DIPK1B: variants seen among roughly 807,000 people sequenced by gnomAD.
DIPK1B encodes the protein family with sequence similarity 69 member B.
DIPK1B carries 17 observed loss-of-function variants against 20.7 expected under a neutral mutation model. The ratio of observed to expected loss-of-function variants is 0.82; its 90% CI spans 0.56 to 1.23. The LOEUF (loss-of-function observed/expected upper bound fraction) is 1.23, where lower values mean the gene tolerates loss of function less well. Among genes scored for constraint, DIPK1B ranks in the 50% most tolerant of loss-of-function variants. The probability of loss-of-function intolerance (pLI) is 0.00; values close to 1 mark genes in which losing one functional copy is unlikely to be tolerated. For synonymous variants in DIPK1B, 343 were observed against 276.5 expected (o/e 1.24, Z -2.39); for missense variants, 648 against 601.8 (o/e 1.08, Z -0.80).
chr9:136,719,985 G>A (rs1000148518), intron 2 of DIPK1B, among the ~76,000 whole-genome samples: 2 of 149,572 alleles, frequency 1.3e-5, no homozygotes, highest in South Asian at 2.1e-4. Context: ...GCAGGGGCTG[G>A]TCTGGGGCTC....
At chr9:136,718,455 G>A (rs1297017074) in intron 2 of DIPK1B, among the ~76,000 whole-genome samples, 7 of 152,266 alleles carry the variant, frequency 4.6e-5, no homozygotes, top group South Asian at 2.1e-4. Flanking sequence ...GTCCACATGA[G>A]TGCACACCAA....
chr9:136,722,074 G>A (rs776050889), intron 3 of DIPK1B, 46 bp downstream of exon 3: 44 of 1,613,280 alleles, frequency 2.7e-5, no homozygotes, highest in East Asian at 8.9e-5. Flanking sequence ...GATACTGCCC[G>A]TGCAGTGGGA....
intron 2 of DIPK1B, 74 bp from the exon 3 acceptor site, chr9:136,721,847 G>C: frequency 2.9e-6 from 4 of 1,378,104 alleles, no homozygotes; most frequent in Non-Finnish European, 4.1e-6. Context: ...TGCCAGCTTC[G>C]GGCCTGTGGG....
At position 136,723,729 on chromosome 9, in the gene DIPK1B, C is replaced by G; in HGVS notation, c.1251C>G (p.Leu417=). Reference sequence around the variant, plus strand: ...ATCACTCGCTGGTGCTCAGCCACCTCAAGACTCTGCTCTGGAAGAAGATCT... The same window carrying G: ...ATCACTCGCTGGTGCTCAGCCACCTGAAGACTCTGCTCTGGAAGAAGATCT... ...EAHHSLVLSH[L]KTLLWKKISN... Residue 417 remains leucine, a synonymous_variant, in exon 5 of 5, where the codon CTC becomes CTG. Coordinates refer to ENST00000371692, the MANE Select transcript of DIPK1B (RefSeq NM_152421.4). 6.5e-7 allele frequency: 1 copy of G among 1,535,780 alleles called. No homozygotes were observed. The highest frequency in any genetic ancestry group is 2.4e-5 in the East Asian group (1 of 40,914).
Position 136,721,918 on chromosome 9 carries a change from C to T in DIPK1B, c.199-3C>T, listed in dbSNP as rs1194710611. 5 of 1,612,836 alleles carry T rather than the reference C, an allele frequency of 3.1e-6. No individual in the cohort carries two copies. The highest frequency in any genetic ancestry group is 1.7e-5 in the Admixed American group (1 of 59,996). Reference sequence around the variant, plus strand: ...CCCGGCACGCCTGCACCTGTCTCCTCAGTGTGACCAGTACCGCAAGGGGAT... The same window carrying T: ...CCCGGCACGCCTGCACCTGTCTCCTTAGTGTGACCAGTACCGCAAGGGGAT... On this transcript the variant is annotated splice_polypyrimidine_tract_variant and splice_region_variant and intron_variant, in intron 2 of 4. Transcript: ENST00000371692.
At chr9:136,718,379 C>T (rs1310938798) in intron 2 of DIPK1B, among the ~76,000 whole-genome samples, 3 of 152,164 alleles carry the variant, frequency 2.0e-5, no homozygotes, top group African/African-American at 4.8e-5. Flanking sequence ...CCACAGCCTC[C>T]ACCTCAGGGA....
In DIPK1B at chr9:136,724,467, T is replaced by C. The variant is rs970003938; in HGVS notation, c.*693T>C. Among the ~76,000 whole-genome samples the C allele has an allele frequency of 2.0e-5, 3 of 152,182 alleles. No homozygotes were observed. The highest frequency in any genetic ancestry group is 7.2e-5 in the African/African-American group (3 of 41,448). On this transcript the variant is annotated 3_prime_UTR_variant, in exon 5 of 5. Coordinates refer to ENST00000371692, the MANE Select transcript of DIPK1B (RefSeq NM_152421.4). ...CTCCAGCCCCGTACGCTCTCCCCAG[T>C]AGCCCAGGGCACCCAGCAACCATCC...
At chr9:136,717,493 C>A in intron 1 of DIPK1B, 84 bp from the exon 2 acceptor site, 2 of 1,493,910 alleles carry the variant, frequency 1.3e-6, no homozygotes, top group Non-Finnish European at 1.8e-6. Context: ...GATCCGGAGG[C>A]CCTTCCTGTG....
intron 2 of DIPK1B, among the ~76,000 whole-genome samples, chr9:136,720,479 C>A (rs546538476): frequency 2.8e-4 from 42 of 152,268 alleles, no homozygotes; most frequent in African/African-American, 8.9e-4. Context: ...CTCCCCCCCC[C>A]AGAGGGGCGG....
At chr9:136,721,745 C>G (rs1453437143) in intron 2 of DIPK1B, 176 bp from the exon 3 acceptor site, 2 of 615,354 alleles carry the variant, frequency 3.3e-6, no homozygotes, top group Non-Finnish European at 5.7e-6. Context: ...GCCGACAGCC[C>G]CATCCTGCAG....
Position 136,723,328 on chromosome 9 carries a change from G to A in DIPK1B, c.850G>A (p.Glu284Lys). ...IAIGLLEFVE[E>K]LFHGSYGTFY... ...CATCGGCCTGCTGGAGTTCGTGGAG[G>A]AGCTCTTCCACGGCTCTTACGGGAC... Residue 284 changes from glutamate to lysine, a missense_variant, in exon 5 of 5, where the codon GAG becomes AAG. Coordinates refer to ENST00000371692, the MANE Select transcript of DIPK1B (RefSeq NM_152421.4). 6.2e-7 allele frequency: 1 copy of A among 1,613,250 alleles called. No individual in the cohort carries two copies. The highest frequency in any genetic ancestry group is 1.1e-5 in the South Asian group (1 of 91,088).
Position 136,723,821 on chromosome 9 carries a change from C to CCCTG in DIPK1B, c.*48_*49insCTGC. The CCCTG allele has an allele frequency of 6.6e-7, 1 of 1,505,332 alleles. No homozygotes were observed. The highest frequency in any genetic ancestry group is 2.5e-5 in the East Asian group (1 of 40,516). 93.2% of individuals were successfully genotyped at this position (1,505,332 alleles called of 1,614,324 possible). A position where few individuals can be genotyped will look rare whatever the true frequency, so the allele number is the denominator to read the frequency against. ...CACCCTTCCTGGAGCTGGCCAGGTG[C>CCCTG]CAGGGTCCAACCCTCCCTCAAGGAA... is the stretch of plus-strand genomic sequence containing the variant. On this transcript the variant is annotated 3_prime_UTR_variant, in exon 5 of 5. Transcript: ENST00000371692.
rs915702114 is a variant in DIPK1B at position 136,715,919 on chromosome 9, G to A, written c.64-1658G>A. Among the ~76,000 whole-genome samples the A allele has an allele frequency of 1.6e-4, 24 of 152,132 alleles. 1 individual carries two copies. The highest frequency in any genetic ancestry group is 5.8e-4 in the East Asian group (3 of 5,196). On this transcript the variant is annotated intron_variant, in intron 1 of 4. Transcript: ENST00000371692. ...CCTCCCTCTGTCCGCAGAGCTCTCC[G>A]CCTTCCCAAACTGAAGCTCTGTCTG...
intron 1 of DIPK1B, among the ~76,000 whole-genome samples, chr9:136,713,826 G>A (rs898123245): frequency 8.5e-5 from 13 of 152,226 alleles, no homozygotes; most frequent in Non-Finnish European, 1.3e-4. Context: ...CTCTAGTGGC[G>A]AGGGCCTCAG....
intron 4 of DIPK1B, chr9:136,722,694 G>C (rs893724071): frequency 5.2e-6 from 3 of 581,896 alleles, no homozygotes; most frequent in African/African-American, 1.9e-5. Flanking sequence ...TCTCTGCCCA[G>C]GTGCCCACCC....
Position 136,723,603 on chromosome 9 carries a change from C to T in DIPK1B, c.1125C>T (p.Gly375=). ...NLAKVCALLR[G]YLLPGAPADL... is the part of the protein sequence containing the mutation. ...CCAAGGTGTGCGCACTGCTACGGGG[C>T]TACCTGCTGCCTGGCGCGCCCGCCG... The change falls in exon 5 of 5, where the codon GGC becomes GGT. Residue 375 remains glycine (G), a synonymous_variant. Coordinates refer to ENST00000371692, the MANE Select transcript of DIPK1B (RefSeq NM_152421.4). The T allele has an allele frequency of 2.5e-6, 4 of 1,590,480 alleles. No individual in the cohort carries two copies. The highest frequency in any genetic ancestry group is 3.4e-6 in the Non-Finnish European group (4 of 1,169,670).
chr9:136,722,618 A>C, intron 4 of DIPK1B: 1 of 557,514 alleles, frequency 1.8e-6, no homozygotes, highest in Middle Eastern at 4.8e-4. Flanking sequence ...GCCGCTTCCC[A>C]GGGCTTCAGC....
intron 1 of DIPK1B, among the ~76,000 whole-genome samples, chr9:136,716,851 C>T (rs950119696): frequency 6.6e-6 from 1 of 152,178 alleles, no homozygotes; most frequent in Non-Finnish European, 1.5e-5. Flanking sequence ...GGGGCAGTGT[C>T]TCTCGCGGTG....
intron 2 of DIPK1B, among the ~76,000 whole-genome samples, chr9:136,719,614 A>C (rs55807337): frequency 0.25 from 38,777 of 152,192 alleles, 5,064 homozygotes; most frequent in African/African-American, 0.31. Flanking sequence ...GATGTGCGGC[A>C]AGGGCCCTGA....
Sources: gnomAD v4.1 joint callset for allele counts (sites outside exome capture counted in the v4.1 genomes callset) on GRCh38, gnomAD v4.1.1 for gene constraint, MANE v1.5 for transcripts, NCBI Gene and HGNC (gene_info 2026-07-23, HGNC 2026-07-21) for gene names.